The following CHD4 variants were observed in gnomAD, a reference collection of about 807,000 sequenced individuals.
The protein encoded by CHD4 is chromodomain helicase DNA binding protein 4.
CHD4 carries 35 observed loss-of-function variants against 235.5 expected under a neutral mutation model. The observed-to-expected ratio is 0.15, with a 90% confidence interval of 0.11 to 0.20. The LOEUF is 0.20. Ranked by LOEUF, CHD4 falls within the 10% of genes least tolerant of loss-of-function variation. The pLI, the probability that CHD4 is intolerant of heterozygous loss-of-function variation, is 1.00. For missense variants in CHD4, 1,329 were observed against 2,432.3 expected, an observed-to-expected ratio of 0.55 and a Z score of 9.54; for synonymous variants, 900 against 850.2, an observed-to-expected ratio of 1.06 and a Z score of -1.02.
At chr12:6,589,594 C>G (rs891784318) in intron 22 of CHD4, among the ~76,000 whole-genome samples, 1 of 151,594 alleles carries the variant, frequency 6.6e-6, no homozygotes, top group Non-Finnish European at 1.5e-5. Context: ...TGGTGAAACC[C>G]TGTCTCTACT....
chr12:6,582,062 C>T, intron 30 of CHD4, 75 bp downstream of exon 30: 2 of 1,450,676 alleles, frequency 1.4e-6, no homozygotes, highest in Non-Finnish European at 1.8e-6. Context: ...CTCAGCCTCC[C>T]AAAGTGCTGG....
At chr12:6,579,229 C>T in intron 33 of CHD4, 2 of 363,610 alleles carry the variant, frequency 5.5e-6, no homozygotes, top group Non-Finnish European at 5.2e-6. Context: ...GTGGGTGGAT[C>T]ACCTGAGGTG....
intron 25 of CHD4, 191 bp from the exon 26 acceptor site, chr12:6,583,569 G>T: frequency 1.9e-6 from 1 of 531,390 alleles, no homozygotes; most frequent in Non-Finnish European, 3.3e-6. Context: ...ATTACATATA[G>T]ATTAGCAGTC....
At chr12:6,585,484 G>C (rs1055375326) in intron 25 of CHD4, among the ~76,000 whole-genome samples, 1 of 151,290 alleles carries the variant, frequency 6.6e-6, no homozygotes, top group Admixed American at 6.6e-5. Context: ...GGGTTTCATC[G>C]TGTTAGCCAG....
intron 12 of CHD4, 36 bp from the exon 13 acceptor site, chr12:6,596,173 A>G (rs759024692): frequency 2.4e-5 from 39 of 1,609,290 alleles, no homozygotes; most frequent in Non-Finnish European, 3.1e-5. Context: ...CAGAGCCAGA[A>G]AAGGCAACCC....
chr12:6,578,558 G>C lies in CHD4; in HGVS notation c.4982-12C>G. On this transcript the variant is annotated splice_polypyrimidine_tract_variant and intron_variant, in intron 34 of 39. Transcript: ENST00000544040. ...TTCTTTCTTCTCTTCTACAGAATATGGGGAAGAAAAATGTCAGCTCCAGCC... is the reference window on the plus strand; with the variant it reads ...TTCTTTCTTCTCTTCTACAGAATATCGGGAAGAAAAATGTCAGCTCCAGCC... 6.2e-7 allele frequency: 1 copy of C among 1,609,038 alleles called. No homozygotes were observed. The highest frequency in any genetic ancestry group is 8.5e-7 in the Non-Finnish European group (1 of 1,179,502).
Position 6,585,824 on chromosome 12 carries a change from G to A in CHD4, c.3879+1560C>T, listed in dbSNP as rs148460516. 4.9e-3 allele frequency among the ~76,000 whole-genome samples: 734 copies of A among 149,722 alleles called. 8 individuals carry two copies. The highest frequency in any genetic ancestry group is 0.017 in the African/African-American group (698 of 40,696). On this transcript the variant is annotated intron_variant, in intron 25 of 39. Coordinates refer to ENST00000544040, the MANE Select transcript of CHD4 (RefSeq NM_001273.5). ...AAACACACACACAAAGAGGCCAGGC[G>A]TAATGGCTCATGCCTGTAATCCCAC...
rs745941658 is a variant in CHD4 at position 6,581,765 on chromosome 12, G to A, written c.4565C>T (p.Ala1522Val). The A allele has an allele frequency of 1.3e-6, 2 of 1,586,994 alleles. No individual in the cohort carries two copies. The highest frequency in any genetic ancestry group is 2.3e-5 in the South Asian group (2 of 85,596). ...VNGRWSMPEL[A>V]EVEENKKMSQ... ...CATCTTCTTGTTTTCCTCCACCTCA[G>A]CCAGTTCAGGCATGCTCCAGCGCCC... is the stretch of plus-strand genomic sequence containing the variant. Residue 1522 changes from alanine to valine, a missense_variant, in exon 31 of 40, where the codon GCT (alanine) becomes GTT (valine). This residue lies in a region of CHD4 where 219 missense variants were observed against 219.3 expected (regional missense o/e 1.00). Coordinates refer to ENST00000544040, the MANE Select transcript of CHD4 (RefSeq NM_001273.5).
At chr12:6,577,603 GT>G in intron 37 of CHD4, 181 bp downstream of exon 37, 1 of 725,010 alleles carries the variant, frequency 1.4e-6, no homozygotes, top group South Asian at 1.8e-5. Flanking sequence ...CTCATGTACA[GT>G]TAGTTAACTT....
In CHD4 at chr12:6,577,634, A is replaced by G. The variant is rs1021100826; in HGVS notation, c.5361+151T>C. On this transcript the variant is annotated intron_variant, in intron 37 of 39. Coordinates refer to ENST00000544040, the MANE Select transcript of CHD4 (RefSeq NM_001273.5). ...TAACTTTCAATTCTGTGTGTCTTCA[A>G]CCCTAATGTGTAAGTTACTTGGGAG... 17 of 1,001,336 alleles carry G rather than the reference A, an allele frequency of 1.7e-5. No individual in the cohort carries two copies. The African/African-American group carries it at 2.7e-4, about 16-fold the overall frequency. 62.0% of individuals were successfully genotyped at this position (1,001,336 alleles called of 1,614,324 possible).
intron 34 of CHD4, 83 bp from the exon 35 acceptor site, chr12:6,578,629 G>GA (rs1424023425): frequency 6.3e-7 from 1 of 1,590,466 alleles, no homozygotes. Context: ...TATGCTACAA[G>GA]AATCCATCCA....
Position 6,582,292 on chromosome 12 carries a change from A to T in CHD4, c.4371-11T>A, listed in dbSNP as rs1948208459. 2 of 1,550,034 alleles carry T rather than the reference A, an allele frequency of 1.3e-6. No individual in the cohort carries two copies. The highest frequency in any genetic ancestry group is 1.7e-6 in the Non-Finnish European group (2 of 1,149,390). On this transcript the variant is annotated splice_polypyrimidine_tract_variant and intron_variant, in intron 29 of 39. Coordinates refer to ENST00000544040, the MANE Select transcript of CHD4 (RefSeq NM_001273.5). ...AGAGAGACATATGCCCTGTGTAAAG[A>T]AGTAGAGAAAGAGTTAAATAGGGAT...
chr12:6,591,300 G>T, intron 22 of CHD4, 166 bp downstream of exon 22: 2 of 598,200 alleles, frequency 3.3e-6, no homozygotes, highest in South Asian at 2.2e-5. Context: ...AATCTCCTAG[G>T]AATAGTCCAA....
In CHD4 at chr12:6,602,192, G is replaced by A; in HGVS notation, c.223-17C>T. 1 of 1,613,182 alleles carries A rather than the reference G, an allele frequency of 6.2e-7. No individual in the cohort carries two copies. The highest frequency in any genetic ancestry group is 8.5e-7 in the Non-Finnish European group (1 of 1,179,398). ...GAGCATACGCTGGAGCAGGGCAAGG[G>A]GGGAAGAGGGAGACAGACACACACA... On this transcript the variant is annotated splice_polypyrimidine_tract_variant and intron_variant, in intron 3 of 39. Coordinates refer to ENST00000544040, the MANE Select transcript of CHD4 (RefSeq NM_001273.5).
At position 6,606,329 on chromosome 12, in the gene CHD4, A is replaced by G. The variant is rs760188215; in HGVS notation, c.45T>C (p.Ser15=). 5 of 1,570,282 alleles carry G rather than the reference A, an allele frequency of 3.2e-6. No homozygotes were observed. Among genetic ancestry groups the G allele is most frequent in the Non-Finnish European group, 4.3e-6 (5 of 1,161,162 alleles). ...AAAGTGCATCCATATCCTCCTCCTCACTGCCCGCCGAGCAGGGGGACGGGG... is the reference window on the plus strand; with the variant it reads ...AAAGTGCATCCATATCCTCCTCCTCGCTGCCCGCCGAGCAGGGGGACGGGG... The part of the protein sequence containing the change: ...LGSPSPCSAG[S]EEEDMDALLN... Residue 15 remains serine, a synonymous_variant, in exon 2 of 40, where the codon AGT becomes AGC. Coordinates refer to ENST00000544040, the MANE Select transcript of CHD4 (RefSeq NM_001273.5).
chr12:6,605,210 G>A (rs867245739), intron 2 of CHD4, among the ~76,000 whole-genome samples: 2 of 152,002 alleles, frequency 1.3e-5, no homozygotes, highest in Non-Finnish European at 2.9e-5. Flanking sequence ...TGCTGGATGA[G>A]AAACAAAAAC....
intron 37 of CHD4, among the ~76,000 whole-genome samples, chr12:6,574,476 G>C (rs1555159510): frequency 6.6e-6 from 1 of 152,100 alleles, no homozygotes; most frequent in Non-Finnish European, 1.5e-5. Flanking sequence ...CAGAATGTTG[G>C]TTCTTAATTT....
At position 6,578,261 on chromosome 12, in the gene CHD4, C is replaced by T. The variant is rs917333503; in HGVS notation, c.5120-124G>A. On this transcript the variant is annotated intron_variant, in intron 35 of 39. Transcript: ENST00000544040. ...TGGATCCATTTCATATAATTTGCTT[C>T]TGGCTTTCTCCACAGAACCCACTAT... is the stretch of plus-strand genomic sequence containing the variant. 5.2e-6 allele frequency: 7 copies of T among 1,355,048 alleles called. No homozygotes were observed. The African/African-American group carries it at 1.0e-4, about 19-fold the overall frequency. 83.9% of individuals were successfully genotyped at this position (1,355,048 alleles called of 1,614,324 possible).
intron 12 of CHD4, among the ~76,000 whole-genome samples, chr12:6,597,610 C>CA (rs1305052936): frequency 6.6e-6 from 1 of 151,294 alleles, no homozygotes; most frequent in East Asian, 2.0e-4. Flanking sequence ...ACTAAAAATA[C>CA]AAAAAATTAG....
Sources: allele counts gnomAD v4.1 joint callset (sites outside exome capture counted in the v4.1 genomes callset), GRCh38; gene constraint gnomAD v4.1.1; regional missense constraint gnomAD v4.1.1; transcripts MANE v1.5; gene names NCBI Gene and HGNC (gene_info 2026-07-23, HGNC 2026-07-21).